Variants in SYT2 observed in about 807,000 individuals in gnomAD.
SYT2 encodes synaptotagmin 2.
Under a neutral mutation model 39.9 loss-of-function variants are expected in SYT2, and 15 were observed. That is an observed-to-expected ratio of 0.38 (90% CI 0.25 to 0.58). The LOEUF is 0.58. SYT2 is among the 20% of genes least tolerant of loss of function. The pLI is 0.70. For synonymous variants in SYT2, 181 were observed against 204.5 expected (o/e 0.89, Z 0.98); for missense variants, 389 against 530.3 (o/e 0.73, Z 2.62).
intron 1 of SYT2, among the ~76,000 whole-genome samples, chr1:202,671,926 A>C (rs1692596019): frequency 6.6e-6 from 1 of 152,254 alleles, no homozygotes; most frequent in Non-Finnish European, 1.5e-5. Context: ...AAGATAGCAA[A>C]TGATTTGTCA....
chr1:202,701,215 T>G (rs1654113275), intron 1 of SYT2, among the ~76,000 whole-genome samples: 1 of 152,250 alleles, frequency 6.6e-6, no homozygotes, highest in Non-Finnish European at 1.5e-5. Flanking sequence ...TTTCTGGAAG[T>G]GACGAGCTCA....
At chr1:202,687,587 G>C (rs1653702573) in intron 1 of SYT2, among the ~76,000 whole-genome samples, 1 of 149,060 alleles carries the variant, frequency 6.7e-6, no homozygotes, top group African/African-American at 2.5e-5. Flanking sequence ...CAGGGAGAAA[G>C]AGCCTTATAC....
chr1:202,616,163 C>T (rs1389066126), intron 1 of SYT2, among the ~76,000 whole-genome samples: 2 of 152,180 alleles, frequency 1.3e-5, no homozygotes, highest in East Asian at 1.9e-4. Flanking sequence ...CACACCCCTC[C>T]TCTCTCTTTG....
At chr1:202,682,271 G>C (rs1653545201) in intron 1 of SYT2, among the ~76,000 whole-genome samples, 1 of 152,208 alleles carries the variant, frequency 6.6e-6, no homozygotes, top group South Asian at 2.1e-4. Context: ...TGATGGGTTG[G>C]CTTGTGCATG....
chr1:202,628,777 C>T lies in SYT2; in HGVS notation c.-17-22988G>A, dbSNP rs552615549. ...TCTATGTGGATCCAAACCTAGAAGA[C>T]AGCTCCGCTGAGGAAGAGGAGCCAA... is the stretch of plus-strand genomic sequence containing the variant. On this transcript the variant is annotated intron_variant, in intron 1 of 8. Transcript: ENST00000367268. The surrounding 1 kb of genome is among the most constrained non-coding windows in gnomAD (Gnocchi z 4.2). Among the ~76,000 whole-genome samples the T allele has an allele frequency of 2.0e-5, 3 of 152,336 alleles. No homozygotes were observed. The highest frequency in any genetic ancestry group is 4.1e-4 in the South Asian group (2 of 4,826).
intron 1 of SYT2, among the ~76,000 whole-genome samples, chr1:202,629,608 G>A (rs1691514568): frequency 6.6e-6 from 1 of 152,174 alleles, no homozygotes. Context: ...GGGTGTCCCA[G>A]CCAAAACCTA....
chr1:202,632,120 G>A (rs1691612156), intron 1 of SYT2: 1 of 970,484 alleles, frequency 1.0e-6, no homozygotes, highest in Non-Finnish European at 1.2e-6. Context: ...GAAGGAGCCA[G>A]CTCCCCAGGG....
intron 1 of SYT2, among the ~76,000 whole-genome samples, chr1:202,644,336 T>A (rs1193461593): frequency 6.6e-6 from 1 of 152,148 alleles, no homozygotes; most frequent in Non-Finnish European, 1.5e-5. Flanking sequence ...TCCACAACTC[T>A]GCTTTCTCCC....
intron 1 of SYT2, among the ~76,000 whole-genome samples, chr1:202,638,248 C>T (rs984223847): frequency 6.6e-6 from 1 of 150,788 alleles, no homozygotes; most frequent in African/African-American, 2.4e-5. Flanking sequence ...TGCCCCTCCT[C>T]CCCCCCAGCC....
At chr1:202,698,112 A>ACCC (rs56124443) in intron 1 of SYT2, among the ~76,000 whole-genome samples, 36,376 of 150,060 alleles carry the variant, frequency 0.24, 5,128 homozygotes, top group South Asian at 0.41. Flanking sequence ...GGGTCTCACC[A>ACCC]CCCCCCCAAG....
chr1:202,627,297 C>T (rs144856702), intron 1 of SYT2, among the ~76,000 whole-genome samples: 1 of 152,324 alleles, frequency 6.6e-6, no homozygotes, highest in Non-Finnish European at 1.5e-5. Context: ...GACTGCATTT[C>T]CTGCCAGCTC....
chr1:202,651,953 G>C (rs1692203089), intron 1 of SYT2, among the ~76,000 whole-genome samples: 1 of 152,208 alleles, frequency 6.6e-6, no homozygotes, highest in African/African-American at 2.4e-5. Context: ...AGCTACTCAG[G>C]AGGCTGAGGC....
At chr1:202,656,861 T>A (rs1367860753) in intron 1 of SYT2, among the ~76,000 whole-genome samples, 1 of 152,180 alleles carries the variant, frequency 6.6e-6, no homozygotes, top group Non-Finnish European at 1.5e-5. Flanking sequence ...TACAGTGGAC[T>A]TCCTATCTTG....
At chr1:202,678,817 C>T (rs1051532727) in intron 1 of SYT2, among the ~76,000 whole-genome samples, 9 of 152,184 alleles carry the variant, frequency 5.9e-5, no homozygotes, top group Non-Finnish European at 1.3e-4. Context: ...TACCCACATG[C>T]ATCTCTTCTT....
intron 1 of SYT2, among the ~76,000 whole-genome samples, chr1:202,648,355 A>AT (rs956150693): frequency 1.1e-4 from 16 of 151,874 alleles, no homozygotes; most frequent in Admixed American, 2.6e-4. Context: ...TAATTTTTGT[A>AT]TTTTTTACTA....
intron 1 of SYT2, among the ~76,000 whole-genome samples, chr1:202,647,815 C>T (rs1692117725): frequency 6.6e-6 from 1 of 152,190 alleles, no homozygotes; most frequent in Non-Finnish European, 1.5e-5. Context: ...CCTCTCCCTG[C>T]TCCTCCTTCC....
rs1053633347 is a variant in SYT2, at chr1:202,710,286, G to T, written c.-46C>A. The T allele has an allele frequency of 6.6e-6, 1 of 152,184 alleles. No homozygotes were observed. Among genetic ancestry groups the T allele is most frequent in the Non-Finnish European group, 1.5e-5 (1 of 68,054 alleles). 9.4% of individuals were successfully genotyped at this position (152,184 alleles called of 1,614,324 possible). A position where few individuals can be genotyped will look rare whatever the true frequency, so the allele number is the denominator to read the frequency against. ...AGAGCGACCCGAAGGAGGCGGGAGA[G>T]ATCCGGGGTCTCCAATGTGAGGGGG... On this transcript the variant is annotated 5_prime_UTR_variant, in exon 1 of 9. Coordinates refer to ENST00000367268, the MANE Select transcript of SYT2 (RefSeq NM_177402.5).
intron 1 of SYT2, among the ~76,000 whole-genome samples, chr1:202,689,893 C>T (rs569083406): frequency 6.6e-6 from 1 of 151,612 alleles, no homozygotes; most frequent in Non-Finnish European, 1.5e-5. Flanking sequence ...CCGGAAGTGC[C>T]CCCCTATCAC....
At chr1:202,697,702 C>A (rs1028463731) in intron 1 of SYT2, among the ~76,000 whole-genome samples, 7 of 152,188 alleles carry the variant, frequency 4.6e-5, no homozygotes, top group African/African-American at 1.7e-4. Context: ...ACACACACAG[C>A]AACTATGTGT....
Sources: allele counts gnomAD v4.1 joint callset (sites outside exome capture counted in the v4.1 genomes callset), GRCh38; gene constraint gnomAD v4.1.1; non-coding constraint Gnocchi (gnomAD v3.1); transcripts MANE v1.5; gene names NCBI Gene and HGNC (gene_info 2026-07-23, HGNC 2026-07-21).